Variants in IFT43 observed in about 807,000 individuals in gnomAD.
IFT43 encodes the protein intraflagellar transport 43.
IFT43 carries 33 observed loss-of-function variants against 32.3 expected under a neutral mutation model. The observed-to-expected ratio is 1.02, with a 90% CI of 0.77 to 1.37. The LOEUF (loss-of-function observed/expected upper bound fraction) is 1.37, where lower values mean the gene tolerates loss of function less well. Ranked by LOEUF, IFT43 falls within the 40% of genes most tolerant of loss-of-function variation. IFT43 has a pLI of 0.00. For missense variants in IFT43, 274 were observed against 265.9 expected (o/e 1.03, Z -0.21); for synonymous variants, 93 against 98.2 (o/e 0.95, Z 0.31).
chr14:76,047,369 CTGTT>C (rs765378135), intron 3 of IFT43, among the ~76,000 whole-genome samples: 3 of 152,154 alleles, frequency 2.0e-5, no homozygotes, highest in Non-Finnish European at 4.4e-5. Flanking sequence ...TGAGTTCCCT[CTGTT>C]TGGAAGGTTT....
At chr14:76,058,223 C>T (rs973247381) in intron 3 of IFT43, 6 of 262,020 alleles carry the variant, frequency 2.3e-5, no homozygotes, top group Middle Eastern at 1.4e-3. Context: ...AACTGCGAGG[C>T]GAGGACATCC....
At chr14:75,989,468 AG>A (rs2035595336) in intron 2 of IFT43, among the ~76,000 whole-genome samples, 1 of 152,014 alleles carries the variant, frequency 6.6e-6, no homozygotes, top group Non-Finnish European at 1.5e-5. Flanking sequence ...TTCTTTGTGG[AG>A]GGTGGGTAAT....
chr14:76,036,023 A>G (rs1341779758), intron 3 of IFT43, among the ~76,000 whole-genome samples: 2 of 152,248 alleles, frequency 1.3e-5, no homozygotes, highest in South Asian at 2.1e-4. Flanking sequence ...TTTATCCTAT[A>G]TGAGGCCAAG....
intron 3 of IFT43, among the ~76,000 whole-genome samples, chr14:76,052,029 C>T (rs936226987): frequency 1.3e-5 from 2 of 152,302 alleles, no homozygotes; most frequent in South Asian, 4.1e-4. Context: ...AGGCAAGGCT[C>T]CAGGTGCTTG....
At chr14:76,082,767 C>T in intron 7 of IFT43, 75 bp downstream of exon 7, 1 of 1,139,544 alleles carries the variant, frequency 8.8e-7, no homozygotes, top group Non-Finnish European at 1.3e-6. Context: ...TTCTCAGTTC[C>T]TCCCAAGCTA....
At chr14:76,013,629 G>A (rs1566707394) in intron 2 of IFT43, 1 of 229,544 alleles carries the variant, frequency 4.4e-6, no homozygotes, top group Non-Finnish European at 9.1e-6. Flanking sequence ...AAACCAACTA[G>A]ACCTTTAAAA....
chr14:76,059,371 G>A lies in IFT43; in HGVS notation c.293G>A (p.Gly98Glu). Residue 98 changes from glycine to glutamate, a missense_variant and splice_region_variant, in exon 5 of 9, where the codon GGA (glycine) becomes GAA (glutamate). Coordinates refer to ENST00000314067, the MANE Select transcript of IFT43 (RefSeq NM_001102564.3). ...AGCCTGAATGGATCAGATTATGGAG[G>A]AGGTAAGAGGCCCTTGGAGGAAGTC... Reference protein sequence around the residue: ...PQSLNGSDYGGDIPIIPDLEE... With the variant: ...PQSLNGSDYGEDIPIIPDLEE... 1 of 1,613,996 alleles carries A rather than the reference G, an allele frequency of 6.2e-7. No homozygotes were observed. The highest frequency in any genetic ancestry group is 2.2e-5 in the East Asian group (1 of 44,884).
chr14:76,035,522 A>G (rs1271894560), intron 3 of IFT43, among the ~76,000 whole-genome samples: 1 of 152,018 alleles, frequency 6.6e-6, no homozygotes, highest in Non-Finnish European at 1.5e-5. Context: ...CTCTCCCTTT[A>G]TGTCATTGCC....
At chr14:76,068,960 G>A (rs984777360) in intron 5 of IFT43, among the ~76,000 whole-genome samples, 1 of 152,182 alleles carries the variant, frequency 6.6e-6, no homozygotes, top group Admixed American at 6.5e-5. Flanking sequence ...TAGTCACACA[G>A]CAAAATAAGT....
At chr14:76,004,256 T>A (rs2035941696) in intron 2 of IFT43, among the ~76,000 whole-genome samples, 1 of 152,244 alleles carries the variant, frequency 6.6e-6, no homozygotes. Context: ...TCTATCTAGT[T>A]TATCTGAAAT....
chr14:76,003,002 G>A (rs1257842487), intron 2 of IFT43, among the ~76,000 whole-genome samples: 1 of 152,192 alleles, frequency 6.6e-6, no homozygotes, highest in Non-Finnish European at 1.5e-5. Context: ...GAAATCATTA[G>A]CTAGGCTAGA....
intron 2 of IFT43, among the ~76,000 whole-genome samples, chr14:75,990,281 G>T (rs917546477): frequency 6.6e-6 from 1 of 152,228 alleles, no homozygotes; most frequent in Non-Finnish European, 1.5e-5. Flanking sequence ...ATTTTTAGAG[G>T]TTAGCACCTG....
intron 5 of IFT43, among the ~76,000 whole-genome samples, chr14:76,071,588 A>G (rs1484427642): frequency 6.6e-6 from 1 of 152,178 alleles, no homozygotes; most frequent in Non-Finnish European, 1.5e-5. Flanking sequence ...GTGGGAAGAG[A>G]TGGGCAGCAG....
At chr14:76,009,945 C>T (rs1215219296) in intron 2 of IFT43, among the ~76,000 whole-genome samples, 2 of 152,140 alleles carry the variant, frequency 1.3e-5, no homozygotes, top group Non-Finnish European at 1.5e-5. Flanking sequence ...CAGGTACATG[C>T]CACCGTGCCT....
intron 5 of IFT43, among the ~76,000 whole-genome samples, chr14:76,079,186 T>C (rs780032605): frequency 3.9e-5 from 6 of 152,204 alleles, no homozygotes; most frequent in Non-Finnish European, 8.8e-5. Context: ...CGCAGCCACA[T>C]TGAAGTCCAT....
chr14:76,018,067 T>G (rs2036222343), intron 2 of IFT43, among the ~76,000 whole-genome samples: 1 of 152,078 alleles, frequency 6.6e-6, no homozygotes, highest in Admixed American at 6.5e-5. Context: ...TCTGATTTTA[T>G]TATTTCTTTC....
chr14:76,031,679 C>T (rs544859425), intron 3 of IFT43, among the ~76,000 whole-genome samples: 10 of 152,340 alleles, frequency 6.6e-5, no homozygotes, highest in East Asian at 1.9e-4. Context: ...ATTCATTCCT[C>T]AGTGAAAATA....
intron 3 of IFT43, chr14:76,038,189 G>A (rs886923257): frequency 6.6e-6 from 1 of 152,212 alleles, no homozygotes; most frequent in Non-Finnish European, 1.5e-5. Flanking sequence ...AAAATCAGAT[G>A]GGGCTGTTGC....
chr14:75,991,309 C>T (rs984195945), intron 2 of IFT43, among the ~76,000 whole-genome samples: 2 of 149,188 alleles, frequency 1.3e-5, no homozygotes, highest in Non-Finnish European at 3.0e-5. Context: ...CCAGCCTGGG[C>T]AACAAGAGTG....
Sources: gnomAD v4.1 joint callset for allele counts (sites outside exome capture counted in the v4.1 genomes callset) on GRCh38, gnomAD v4.1.1 for gene constraint, MANE v1.5 for transcripts, NCBI Gene and HGNC (gene_info 2026-07-23, HGNC 2026-07-21) for gene names.